USP9X: variants seen among roughly 807,000 people sequenced by gnomAD.
USP9X encodes ubiquitin carboxyl-terminal hydrolase 9X.
In USP9X, 7 loss-of-function variants were observed where a neutral mutation model predicts 190.3. The observed-to-expected ratio is 0.04, with a 90% CI of 0.02 to 0.07. The LOEUF (loss-of-function observed/expected upper bound fraction) is 0.07. USP9X is among the 10% of genes least tolerant of loss of function. The pLI is 1.00. For missense variants in USP9X, 1,010 were observed against 1,916.9 expected, an observed-to-expected ratio of 0.53 and a Z score of 8.83; for synonymous variants, 645 against 659.5, an observed-to-expected ratio of 0.98 and a Z score of 0.34.
In USP9X at chrX:41,112,740, T is replaced by G. The variant is rs954897135; in HGVS notation, c.-158-10731T>G. Among the ~76,000 whole-genome samples, 5 of 112,341 alleles carry G rather than the reference T, an allele frequency of 4.5e-5. No individual in the cohort carries two copies. In the South Asian group the frequency reaches 1.1e-3, roughly 25 times the overall value. ...ACCATAGTGTCTAAATATAATTGAT[T>G]GTGAGGTGTATGCTACAAGTAATTA... On this transcript the variant is annotated intron_variant, in intron 1 of 44. Coordinates refer to ENST00000378308, the MANE Select transcript of USP9X (RefSeq NM_001039591.3).
chrX:41,168,830 T>C (rs1215076741), intron 18 of USP9X, among the ~76,000 whole-genome samples: 1 of 112,512 alleles, frequency 8.9e-6, no homozygotes, highest in African/African-American at 3.2e-5. Context: ...TTGCATGGCA[T>C]ATAACAAATA....
At chrX:41,089,894 T>A (rs1284673133) in intron 1 of USP9X, among the ~76,000 whole-genome samples, 2 of 90,519 alleles carry the variant, frequency 2.2e-5, no homozygotes, top group Non-Finnish European at 4.3e-5. Flanking sequence ...GAGTTTAGGA[T>A]CTATGAGGGT....
In USP9X at chrX:41,232,800, CAAGA is replaced by C; in HGVS notation, c.*279_*282del. 1 of 168,259 alleles carries C rather than the reference CAAGA, an allele frequency of 5.9e-6. No homozygotes were observed. Among genetic ancestry groups the C allele is most frequent in the Non-Finnish European group, 1.1e-5 (1 of 88,416 alleles). The allele number at this position is 168,259 out of a possible 1,213,427, so 13.9% of individuals were successfully genotyped here. ...TTAATGTTGACTGTTAATTCTTAAG[CAAGA>C]AACTTTTTTCTTGATGAGACTCACA... On this transcript the variant is annotated 3_prime_UTR_variant, in exon 45 of 45. Transcript: ENST00000378308.
chrX:41,181,691 C>T (rs775552568), intron 21 of USP9X, among the ~76,000 whole-genome samples: 16 of 109,190 alleles, frequency 1.5e-4, no homozygotes, highest in Non-Finnish European at 2.9e-4. Context: ...TCAAGTGATC[C>T]GCCCACCTCC....
In USP9X at chrX:41,141,087, G is replaced by A. The variant is rs2062418590; in HGVS notation, c.892G>A (p.Ala298Thr). 8.3e-7 allele frequency: 1 copy of A among 1,205,176 alleles called. No individual in the cohort carries two copies. Residue 298 changes from alanine (A) to threonine (T), a missense_variant, in exon 8 of 45, where the codon GCA (alanine) becomes ACA (threonine). Around this residue, in one of 11 missense-constraint regions of USP9X, gnomAD observed 176 missense variants for 247.5 expected, o/e 0.71. Coordinates refer to ENST00000378308, the MANE Select transcript of USP9X (RefSeq NM_001039591.3). ...NLTDEELKKE[A>T]KNEAKNDALS... is the part of the protein sequence containing the mutation. The stretch of plus-strand genomic sequence containing the variant: ...AACTGATGAAGAACTGAAAAAAGAA[G>A]CAAAGAATGAAGCCAAAAATGATGC...
At chrX:41,191,405 G>C (rs1405404405) in intron 26 of USP9X, among the ~76,000 whole-genome samples, 2 of 110,340 alleles carry the variant, frequency 1.8e-5, no homozygotes, top group Non-Finnish European at 3.8e-5. Context: ...ATTGTGAGCT[G>C]TGTACAAATC....
chrX:41,106,434 C>T (rs1378270519), intron 1 of USP9X, among the ~76,000 whole-genome samples: 1 of 109,300 alleles, frequency 9.1e-6, no homozygotes, highest in Non-Finnish European at 1.9e-5. Context: ...CTTATAATTG[C>T]ATAATTGTAT....
intron 30 of USP9X, among the ~76,000 whole-genome samples, chrX:41,199,939 G>GA (rs2063027462): frequency 9.0e-6 from 1 of 111,587 alleles, no homozygotes; most frequent in African/African-American, 3.3e-5. Flanking sequence ...ATAAGGAATT[G>GA]AAGCTCAAAA....
At chrX:41,099,482 T>C (rs2062020398) in intron 1 of USP9X, among the ~76,000 whole-genome samples, 1 of 111,350 alleles carries the variant, frequency 9.0e-6, no homozygotes, top group Non-Finnish European at 1.9e-5. Context: ...TTAGTATTAT[T>C]ATCAGTCAGT....
In USP9X at chrX:41,172,285, C is replaced by G. The variant is rs532484075; in HGVS notation, c.3148+327C>G. 3.6e-4 allele frequency among the ~76,000 whole-genome samples: 40 copies of G among 111,930 alleles called. No homozygotes were observed. The Middle Eastern group carries it at 0.018, about 52-fold the overall frequency. ...GACTGCTTTTGTCTTAAAATAGCAC[C>G]GCCCAGGAGTTGTGGCAGAGGCCAT... On this transcript the variant is annotated intron_variant, in intron 21 of 44. Coordinates refer to ENST00000378308, the MANE Select transcript of USP9X (RefSeq NM_001039591.3).
At chrX:41,191,941 T>G (rs957391757) in intron 26 of USP9X, among the ~76,000 whole-genome samples, 3 of 111,381 alleles carry the variant, frequency 2.7e-5, no homozygotes, top group African/African-American at 9.8e-5. Context: ...CTCTCTCCCT[T>G]TCTCACTCCC....
intron 14 of USP9X, among the ~76,000 whole-genome samples, chrX:41,161,770 G>A (rs1385891485): frequency 2.0e-5 from 2 of 100,782 alleles, no homozygotes; most frequent in Non-Finnish European, 4.0e-5. Context: ...TTTTTTTTGA[G>A]ACAGGGTCTT....
chrX:41,176,156 C>G (rs906199101), intron 21 of USP9X, among the ~76,000 whole-genome samples: 3 of 111,313 alleles, frequency 2.7e-5, no homozygotes, highest in Non-Finnish European at 5.7e-5. Flanking sequence ...TTTCTTTGAA[C>G]GCAGAAGGAC....
intron 1 of USP9X, among the ~76,000 whole-genome samples, chrX:41,110,278 G>A (rs1424553541): frequency 8.9e-6 from 1 of 112,281 alleles, no homozygotes; most frequent in African/African-American, 3.2e-5. Context: ...GAGGAATACA[G>A]CTAATTGTGT....
chrX:41,224,608 C>A, intron 39 of USP9X, 134 bp from the exon 40 acceptor site: 1 of 540,648 alleles, frequency 1.8e-6, no homozygotes, highest in Non-Finnish European at 2.9e-6. Flanking sequence ...TGCACTCCAG[C>A]CTGGGCGACA....
rs1332302245 is a variant in USP9X at position 41,232,656 on chromosome X, C to CTGTCT, written c.*134_*138dup. 2.6e-5 allele frequency: 23 copies of CTGTCT among 879,011 alleles called. No individual in the cohort carries two copies. The highest frequency in any genetic ancestry group is 3.5e-5 in the Non-Finnish European group (23 of 648,425). The allele number at this position is 879,011 out of a possible 1,213,427, so 72.4% of individuals were successfully genotyped here. ...CAACATGGAGTGGAGAGTTTATTCA[C>CTGTCT]TGTCTTATCTGCAGAAATTTGCTGT... is the stretch of plus-strand genomic sequence containing the variant. On this transcript the variant is annotated 3_prime_UTR_variant, in exon 45 of 45. Transcript: ENST00000378308.
intron 1 of USP9X, 121 bp from the exon 2 acceptor site, chrX:41,123,347 CTCT>C: frequency 3.7e-6 from 1 of 272,628 alleles, no homozygotes; most frequent in South Asian, 5.7e-5. Flanking sequence ...TTTTTACTTT[CTCT>C]TCTTGTTTGT....
chrX:41,086,127 C>G lies in USP9X; in HGVS notation c.-159+18C>G, dbSNP rs1187354206. 2 of 296,775 alleles carry G rather than the reference C, an allele frequency of 6.7e-6. No homozygotes were observed. The highest frequency in any genetic ancestry group is 1.2e-5 in the Non-Finnish European group (2 of 170,144). 24.5% of individuals were successfully genotyped at this position (296,775 alleles called of 1,213,427 possible). On this transcript the variant is annotated intron_variant, in intron 1 of 44. Coordinates refer to ENST00000378308, the MANE Select transcript of USP9X (RefSeq NM_001039591.3). ...GTCGTGCGGTGAGTGGCCAGCTGCA[C>G]TGGGGCGACGCTCTTTCCCGGGGCC...
chrX:41,197,331 T>TGGGGGC, intron 28 of USP9X, 33 bp from the exon 29 acceptor site: 1 of 486,767 alleles, frequency 2.1e-6, no homozygotes, highest in Non-Finnish European at 2.9e-6. Context: ...TTTGATTTCT[T>TGGGGGC]CCCCCCCCCA....
Sources: allele counts gnomAD v4.1 joint callset (sites outside exome capture counted in the v4.1 genomes callset), GRCh38; gene constraint gnomAD v4.1.1; regional missense constraint gnomAD v4.1.1; transcripts MANE v1.5; gene names NCBI Gene and HGNC (gene_info 2026-07-23, HGNC 2026-07-21).